Variants in SMG1 observed in about 807,000 individuals in gnomAD.
SMG1 encodes serine/threonine-protein kinase SMG1.
SMG1 carries 22 observed loss-of-function variants against 419.9 expected under a neutral mutation model. That is an observed-to-expected ratio of 0.05 (90% CI 0.04 to 0.07). SMG1 has a LOEUF of 0.07. Among genes scored for constraint, SMG1 ranks in the 10% least tolerant of loss-of-function variants. SMG1 has a pLI of 1.00. For synonymous variants in SMG1, 1,538 were observed against 1,553.5 expected (o/e 0.99, Z 0.23); for missense variants, 3,185 against 4,342.0 (o/e 0.73, Z 7.49).
intron 60 of SMG1, among the ~76,000 whole-genome samples, chr16:18,813,238 T>C (rs1460513166): frequency 6.6e-6 from 1 of 152,224 alleles, no homozygotes; most frequent in Non-Finnish European, 1.5e-5. Flanking sequence ...CCCTGAGGAA[T>C]CACCACACTG....
rs777819421 is a variant in SMG1, at chr16:18,829,423, T to A, written c.9466A>T (p.Met3156Leu). ...IQIGKFSQLV[M>L]NRATVLASSY... ...CTTGCTAACACAGTTGCCCTGTTCA[T>A]AACCAGCTGAGAGAACTTCCCTATC... Residue 3156 changes from methionine to leucine, a missense_variant, in exon 54 of 63, where the codon ATG (methionine) becomes TTG (leucine). Coordinates refer to ENST00000446231, the MANE Select transcript of SMG1 (RefSeq NM_015092.5). 5.6e-6 allele frequency: 9 copies of A among 1,614,026 alleles called. No homozygotes were observed. Among genetic ancestry groups the A allele is most frequent in the Non-Finnish European group, 7.6e-6 (9 of 1,179,898 alleles).
rs1487030808 is a variant in SMG1, at chr16:18,805,447, G to A, written c.*4122C>T. The A allele has an allele frequency of 2.0e-5, 3 of 152,132 alleles. No homozygotes were observed. The highest frequency in any genetic ancestry group is 4.8e-5 in the African/African-American group (2 of 41,420). The allele number at this position is 152,132 out of a possible 1,614,324, so 9.4% of individuals were successfully genotyped here. On this transcript the variant is annotated 3_prime_UTR_variant, in exon 63 of 63. Coordinates refer to ENST00000446231, the MANE Select transcript of SMG1 (RefSeq NM_015092.5). ...AGCCAAGTTCCCATGGAAGGCAAAC[G>A]ACCCTAAGTAGTTCATATTTTACAG...
At chr16:18,888,242 T>TGG (rs2036724253) in intron 6 of SMG1, among the ~76,000 whole-genome samples, 1 of 150,182 alleles carries the variant, frequency 6.7e-6, no homozygotes, top group African/African-American at 2.4e-5. Context: ...TAAGTAGAGC[T>TGG]GGTATTCATT....
intron 1 of SMG1, chr16:18,925,521 AG>A (rs2142055039): frequency 6.0e-6 from 1 of 167,088 alleles, no homozygotes; most frequent in Non-Finnish European, 1.3e-5. Context: ...AAAGGAACAG[AG>A]GTTAGAAGAG....
chr16:18,847,087 A>C (rs527352506), intron 38 of SMG1, among the ~76,000 whole-genome samples: 1 of 152,308 alleles, frequency 6.6e-6, no homozygotes, highest in East Asian at 1.9e-4. Context: ...AACATAATAA[A>C]CCTTCGGGCC....
At position 18,814,489 on chromosome 16, in the gene SMG1, G is replaced by A. The variant is rs116056488; in HGVS notation, c.10621+686C>T. On this transcript the variant is annotated intron_variant, in intron 60 of 62. Coordinates refer to ENST00000446231, the MANE Select transcript of SMG1 (RefSeq NM_015092.5). ...ACTCCAGCCTGGGCGACAAGAGACA[G>A]TTTTGAGACTCCGCCTCAAACAAAA... Among the ~76,000 whole-genome samples, 610 of 152,018 alleles carry A rather than the reference G, an allele frequency of 4.0e-3. 3 individuals carry two copies. The highest frequency in any genetic ancestry group is 0.014 in the African/African-American group (572 of 41,482).
At chr16:18,911,141 A>G (rs1465998291) in intron 1 of SMG1, among the ~76,000 whole-genome samples, 1 of 152,240 alleles carries the variant, frequency 6.6e-6, no homozygotes. Context: ...ATGATGATGC[A>G]GAGCTATGCT....
At chr16:18,859,533 T>C in intron 27 of SMG1, 23 bp downstream of exon 27, 1 of 1,323,900 alleles carries the variant, frequency 7.6e-7, no homozygotes, top group South Asian at 1.3e-5. Flanking sequence ...AATGTACATT[T>C]ACCTCCGTAA....
At chr16:18,923,473 G>A (rs1324476477) in intron 1 of SMG1, among the ~76,000 whole-genome samples, 1 of 151,998 alleles carries the variant, frequency 6.6e-6, no homozygotes, top group African/African-American at 2.4e-5. Flanking sequence ...GTGGAATCCC[G>A]TCTCTACTAA....
At chr16:18,819,478 G>C in intron 56 of SMG1, 24 bp downstream of exon 56, 1 of 1,605,030 alleles carries the variant, frequency 6.2e-7, no homozygotes, top group Non-Finnish European at 8.5e-7. Flanking sequence ...TGAATACAAA[G>C]ATGGTGCATG....
At position 18,876,106 on chromosome 16, in the gene SMG1, T is replaced by C. The variant is rs1567410352; in HGVS notation, c.1890+18A>G. On this transcript the variant is annotated intron_variant, in intron 13 of 62. Coordinates refer to ENST00000446231, the MANE Select transcript of SMG1 (RefSeq NM_015092.5). ...CTTAACTGTGGATAAAACAAAGTCATTACAATTAAAGACTCACCCCTATTA... is the reference window on the plus strand; with the variant it reads ...CTTAACTGTGGATAAAACAAAGTCACTACAATTAAAGACTCACCCCTATTA... 1 of 1,611,088 alleles carries C rather than the reference T, an allele frequency of 6.2e-7. No homozygotes were observed. Among genetic ancestry groups the C allele is most frequent in the South Asian group, 1.1e-5 (1 of 90,940 alleles).
chr16:18,901,398 A>G (rs778466918), intron 1 of SMG1, among the ~76,000 whole-genome samples: 11 of 152,026 alleles, frequency 7.2e-5, no homozygotes, highest in Non-Finnish European at 1.5e-4. Context: ...TTTTTTGTAG[A>G]GACAGGTGTC....
chr16:18,874,175 G>A (rs2035978364), intron 13 of SMG1, among the ~76,000 whole-genome samples: 1 of 151,970 alleles, frequency 6.6e-6, no homozygotes, highest in African/African-American at 2.4e-5. Context: ...GTCTGGTTCT[G>A]TCGCCCAGAC....
rs189118243 is a variant in SMG1, at chr16:18,838,283, A to G, written c.7195-51T>C. The stretch of plus-strand genomic sequence containing the variant: ...AAGGTCTGCCACAAGTTTCATCACT[A>G]AAGTGTGGTTTTCATTCCACAGGTT... On this transcript the variant is annotated intron_variant, in intron 44 of 62. Transcript: ENST00000446231. 3.8e-3 allele frequency: 6,169 copies of G among 1,609,262 alleles called. 21 individuals carry two copies. The highest frequency in any genetic ancestry group is 4.7e-3 in the Non-Finnish European group (5,581 of 1,176,236).
intron 13 of SMG1, chr16:18,875,584 C>T (rs2925513): frequency 0.18 from 27,449 of 152,684 alleles, 2,545 homozygotes; most frequent in Middle Eastern, 0.24. Context: ...AGAGTAAAAC[C>T]CCATCTCCAA....
intron 33 of SMG1, among the ~76,000 whole-genome samples, chr16:18,851,113 G>T (rs772519570): frequency 2.6e-5 from 4 of 152,202 alleles, no homozygotes; most frequent in African/African-American, 4.8e-5. Flanking sequence ...AATGTACACA[G>T]AATACATATA....
At chr16:18,873,693 T>C (rs2035948923) in intron 13 of SMG1, among the ~76,000 whole-genome samples, 1 of 152,258 alleles carries the variant, frequency 6.6e-6, no homozygotes, top group Non-Finnish European at 1.5e-5. Flanking sequence ...AAGCCCTCTG[T>C]ATGTGCCTTT....
intron 10 of SMG1, 76 bp downstream of exon 10, chr16:18,882,089 C>A: frequency 1.0e-6 from 1 of 986,626 alleles, no homozygotes; most frequent in Non-Finnish European, 1.4e-6. Context: ...TAACAGTTCA[C>A]CAGGTAAAGA....
chr16:18,850,019 C>T lies in SMG1; in HGVS notation c.5391G>A (p.Val1797=), dbSNP rs775844589. 3 of 1,614,022 alleles carry T rather than the reference C, an allele frequency of 1.9e-6. No homozygotes were observed. Among genetic ancestry groups the T allele is most frequent in the Non-Finnish European group, 2.5e-6 (3 of 1,179,896 alleles). The change falls in exon 35 of 63, where the codon GTG becomes GTA. Residue 1797 remains valine (V), a synonymous_variant. Transcript: ENST00000446231. ...MATLRLLRLL[V]KHAGELRQYL... ...ACTGCCGAAGCTCACCAGCATGCTTCACGAGCAACCGCAGCAGGCGCAATG... is the reference window on the plus strand; with the variant it reads ...ACTGCCGAAGCTCACCAGCATGCTTTACGAGCAACCGCAGCAGGCGCAATG...
Sources: gnomAD v4.1 joint callset for allele counts (sites outside exome capture counted in the v4.1 genomes callset) on GRCh38, gnomAD v4.1.1 for gene constraint, MANE v1.5 for transcripts, NCBI Gene and HGNC (gene_info 2026-07-23, HGNC 2026-07-21) for gene names.